KYAT1: variants seen among roughly 807,000 people sequenced by gnomAD.
KYAT1 encodes the protein kynurenine aminotransferase 1.
In KYAT1, 47 loss-of-function variants were observed where a neutral mutation model predicts 52.4. That is an observed-to-expected ratio of 0.90 (90% CI 0.71 to 1.14). KYAT1 has a LOEUF of 1.14. Among genes scored for constraint, KYAT1 ranks in the 50% most tolerant of loss-of-function variants. KYAT1 has a pLI of 0.00. For missense variants in KYAT1, 480 were observed against 557.9 expected (o/e 0.86, Z 1.41); for synonymous variants, 212 against 209.6 (o/e 1.01, Z -0.10).
Position 128,835,326 on chromosome 9 carries a change from G to C in KYAT1, c.1119C>G (p.Asn373Lys), listed in dbSNP as rs372421745. The C allele has an allele frequency of 6.2e-7, 1 of 1,613,128 alleles. No individual in the cohort carries two copies. The highest frequency in any genetic ancestry group is 1.3e-5 in the African/African-American group (1 of 74,850). ...DRRFVKWMIK[N>K]KGLVAIPVSI... The stretch of plus-strand genomic sequence containing the variant: ...GCCTGGCAGAGGCCCAGCCCACCTT[G>C]TTCTTGATCATCCACTTGACGAAGC... The change falls in exon 11 of 13, where the codon AAC becomes AAG. Residue 373 changes from asparagine (N) to lysine (K), a missense_variant. Asn to Lys is a moderately conservative substitution (Grantham distance 94, BLOSUM62 0). Coordinates refer to ENST00000302586, the MANE Select transcript of KYAT1 (RefSeq NM_004059.5).
rs138224245 is a variant in KYAT1 at position 128,869,910 on chromosome 9, C to T, written c.-7+11987G>A. Reference sequence around the variant, plus strand: ...CTGGGACTACAGGTGTTCGCCACTACGCCCAGCTAATTTTTGTATTTTTAG... The same window carrying T: ...CTGGGACTACAGGTGTTCGCCACTATGCCCAGCTAATTTTTGTATTTTTAG... On this transcript the variant is annotated intron_variant, in intron 1 of 12. Transcript: ENST00000302586. Among the ~76,000 whole-genome samples the T allele has an allele frequency of 7.3e-3, 1,115 of 152,022 alleles. 8 individuals carry two copies. Among genetic ancestry groups the T allele is most frequent in the African/African-American group, 0.019 (788 of 41,488 alleles).
chr9:128,861,125 A>G (rs752026585), intron 1 of KYAT1, among the ~76,000 whole-genome samples: 1 of 152,232 alleles, frequency 6.6e-6, no homozygotes, highest in Admixed American at 6.5e-5. Flanking sequence ...GCCAAACGCA[A>G]TACAATGAAG....
intron 1 of KYAT1, among the ~76,000 whole-genome samples, chr9:128,875,868 G>C (rs906223387): frequency 3.3e-5 from 5 of 152,134 alleles, no homozygotes; most frequent in Admixed American, 6.5e-5. Flanking sequence ...CTGGCCATTT[G>C]CTTGACCCGA....
intron 1 of KYAT1, among the ~76,000 whole-genome samples, chr9:128,881,105 G>A (rs1459865423): frequency 1.3e-5 from 2 of 152,084 alleles, no homozygotes; most frequent in East Asian, 1.9e-4. Context: ...TTTTTAGACG[G>A]AGTCTCGCTC....
rs1230080673 is a variant in KYAT1, at chr9:128,835,484, A to G, written c.1039T>C (p.Phe347Leu). ...SYFLITDISD[F>L]KRKMPDLPGA... is the part of the protein sequence containing the mutation. ...CAGACCGGCAAGTCTCACTCACTGAAGTCTGAGATGTCTGTGATGAGGAAG... is the reference window on the plus strand; with the variant it reads ...CAGACCGGCAAGTCTCACTCACTGAGGTCTGAGATGTCTGTGATGAGGAAG... Residue 347 changes from phenylalanine to leucine, a missense_variant, in exon 10 of 13, where the codon TTC becomes CTC. Phe to Leu is a conservative substitution (Grantham distance 22). Transcript: ENST00000302586. 6.2e-7 allele frequency: 1 copy of G among 1,613,738 alleles called. No homozygotes were observed. Among genetic ancestry groups the G allele is most frequent in the East Asian group, 2.2e-5 (1 of 44,898 alleles).
At chr9:128,855,581 G>A (rs1185029808) in intron 1 of KYAT1, among the ~76,000 whole-genome samples, 1 of 152,212 alleles carries the variant, frequency 6.6e-6, no homozygotes, top group Non-Finnish European at 1.5e-5. Flanking sequence ...AGGAAACATA[G>A]TTATTAAACC....
Position 128,852,771 on chromosome 9 carries a change from C to T in KYAT1, c.-6-7360G>A, listed in dbSNP as rs375914965. ...ATTGCTAAGACATATTAATTGGATT[C>T]GGCCAACTCTAGGCATCCCTACTTA... On this transcript the variant is annotated intron_variant, in intron 1 of 12. Coordinates refer to ENST00000302586, the MANE Select transcript of KYAT1 (RefSeq NM_004059.5). 5.9e-5 allele frequency among the ~76,000 whole-genome samples: 9 copies of T among 152,334 alleles called. No homozygotes were observed. In the East Asian group the frequency reaches 1.5e-3, roughly 26 times the overall value.
At chr9:128,873,931 G>A (rs1837594836) in intron 1 of KYAT1, among the ~76,000 whole-genome samples, 2 of 117,062 alleles carry the variant, frequency 1.7e-5, no homozygotes, top group South Asian at 6.2e-4. Flanking sequence ...GGGTGACAGA[G>A]CAAATCTCCG....
intron 6 of KYAT1, 87 bp from the exon 7 acceptor site, chr9:128,837,009 T>G: frequency 6.6e-7 from 1 of 1,504,620 alleles, no homozygotes; most frequent in Non-Finnish European, 8.9e-7. Flanking sequence ...AGAACACAGC[T>G]GCGGCCAGGT....
chr9:128,882,477 CT>C (rs1375864678), upstream of KYAT1: 1 of 381,058 alleles, frequency 2.6e-6, no homozygotes, highest in African/African-American at 2.1e-5. Context: ...CGCGAGCCCC[CT>C]CCCAGGCACC....
At chr9:128,858,640 G>C (rs567097103) in intron 1 of KYAT1, among the ~76,000 whole-genome samples, 3 of 149,874 alleles carry the variant, frequency 2.0e-5, no homozygotes, top group South Asian at 2.1e-4. Context: ...GGAGGTTGCA[G>C]TGAGCCACTG....
intron 1 of KYAT1, among the ~76,000 whole-genome samples, chr9:128,871,797 G>C (rs903838968): frequency 1.3e-5 from 2 of 152,078 alleles, no homozygotes; most frequent in African/African-American, 4.8e-5. Context: ...ACATATTCAG[G>C]TAGTCTTTAC....
At chr9:128,858,992 T>TC (rs1233638546) in intron 1 of KYAT1, among the ~76,000 whole-genome samples, 15 of 113,992 alleles carry the variant, frequency 1.3e-4, no homozygotes, top group African/African-American at 5.4e-4. Flanking sequence ...AGACTCCATC[T>TC]CAAAAAAAAA....
chr9:128,857,586 C>T (rs1464598815), intron 1 of KYAT1, among the ~76,000 whole-genome samples: 1 of 152,214 alleles, frequency 6.6e-6, no homozygotes, highest in Non-Finnish European at 1.5e-5. Context: ...CCTGTAATCC[C>T]AGCACTTTGG....
intron 1 of KYAT1, among the ~76,000 whole-genome samples, chr9:128,868,640 A>C (rs1249813847): frequency 6.6e-6 from 1 of 151,652 alleles, no homozygotes; most frequent in East Asian, 1.9e-4. Flanking sequence ...AGAGTCAAGC[A>C]ATCTTCCTGC....
chr9:128,870,387 A>C (rs138795136), intron 1 of KYAT1, among the ~76,000 whole-genome samples: 2 of 152,332 alleles, frequency 1.3e-5, no homozygotes, highest in Non-Finnish European at 2.9e-5. Context: ...ATGGCTGATG[A>C]CTATAATCTC....
chr9:128,844,020 G>C (rs1260199941), intron 2 of KYAT1, among the ~76,000 whole-genome samples: 2 of 152,122 alleles, frequency 1.3e-5, no homozygotes, highest in African/African-American at 4.8e-5. Context: ...CTCAAGCAAA[G>C]TTTGATGCTC....
Position 128,842,742 on chromosome 9 carries a change from G to C in KYAT1, c.113C>G (p.Pro38Arg). 6.2e-7 allele frequency: 1 copy of C among 1,614,164 alleles called. No individual in the cohort carries two copies. Among genetic ancestry groups the C allele is most frequent in the Non-Finnish European group, 8.5e-7 (1 of 1,180,006 alleles). Residue 38 changes from proline to arginine, a missense_variant, in exon 3 of 13, where the codon CCG becomes CGG. Physicochemically the swap from Pro to Arg is moderately radical, Grantham distance 103 (BLOSUM62 -2). Coordinates refer to ENST00000302586, the MANE Select transcript of KYAT1 (RefSeq NM_004059.5). ...GGCAAAGTCTGGTGGTGGGAAATCC[G>C]GGAAGCCCTGGCCCAAGTTCACGAC... ...HDVVNLGQGF[P>R]DFPPPDFAVE...
intron 1 of KYAT1, among the ~76,000 whole-genome samples, chr9:128,869,150 T>C (rs533218067): frequency 2.6e-5 from 4 of 151,734 alleles, no homozygotes; most frequent in Admixed American, 1.3e-4. Context: ...TTATTGATTT[T>C]TGACAAGGGC....
Sources: gnomAD v4.1 joint callset for allele counts (sites outside exome capture counted in the v4.1 genomes callset) on GRCh38, gnomAD v4.1.1 for gene constraint, MANE v1.5 for transcripts, NCBI Gene and HGNC (gene_info 2026-07-23, HGNC 2026-07-21) for gene names.